The following AGAP1 variants were observed in gnomAD, a reference collection of about 807,000 sequenced individuals.
AGAP1 encodes arf-GAP with GTPase, ANK repeat and PH domain-containing protein 1.
AGAP1 carries 29 observed loss-of-function variants against 105.3 expected under a neutral mutation model. The ratio of observed to expected loss-of-function variants is 0.28; its 90% CI spans 0.21 to 0.38. AGAP1 has a LOEUF of 0.38. Among genes scored for constraint, AGAP1 ranks in the 10% least tolerant of loss-of-function variants. AGAP1 has a pLI of 1.00. For synonymous variants in AGAP1, 509 were observed against 485.9 expected, an observed-to-expected ratio of 1.05 and a Z score of -0.63; for missense variants, 998 against 1,165.1, an observed-to-expected ratio of 0.86 and a Z score of 2.09.
At chr2:235,708,557 C>T (rs940141317) in intron 1 of AGAP1, among the ~76,000 whole-genome samples, 1 of 152,142 alleles carries the variant, frequency 6.6e-6, no homozygotes, top group Non-Finnish European at 1.5e-5. Context: ...ATAGTCTAAA[C>T]CATCCTGGCT....
intron 1 of AGAP1, among the ~76,000 whole-genome samples, chr2:235,590,678 TGTGTGTGCGTGTGC>T (rs1263205497): frequency 4.7e-5 from 5 of 106,430 alleles, no homozygotes; most frequent in Non-Finnish European, 8.3e-5. Flanking sequence ...TGTGTGTGTG[TGTGTGTGCGTGTGC>T]GTGTGTGTGT....
chr2:235,619,249 C>A (rs922916290), intron 1 of AGAP1, among the ~76,000 whole-genome samples: 1 of 152,126 alleles, frequency 6.6e-6, no homozygotes, highest in Non-Finnish European at 1.5e-5. Context: ...CAGGGCGATC[C>A]CCACTTTACC....
chr2:235,823,836 G>A (rs1958932566), intron 9 of AGAP1, among the ~76,000 whole-genome samples: 2 of 152,152 alleles, frequency 1.3e-5, no homozygotes, highest in South Asian at 4.1e-4. Flanking sequence ...GAGACAACAT[G>A]ACCATCCTTT....
intron 8 of AGAP1, among the ~76,000 whole-genome samples, chr2:235,800,010 T>G (rs1957417721): frequency 6.6e-6 from 1 of 152,034 alleles, no homozygotes; most frequent in South Asian, 2.1e-4. Context: ...CCACTTGGGT[T>G]TTTTGCTGTA....
In AGAP1 at chr2:235,740,438, C is replaced by T. The variant is rs1459862803; in HGVS notation, c.311-525C>T. Among the ~76,000 whole-genome samples, 1 of 152,168 alleles carries T rather than the reference C, an allele frequency of 6.6e-6. No individual in the cohort carries two copies. The highest frequency in any genetic ancestry group is 1.9e-4 in the East Asian group (1 of 5,190). On this transcript the variant is annotated intron_variant, in intron 3 of 17. Transcript: ENST00000304032. This position sits in a 1 kb window ranked among gnomAD's most constrained non-coding sequence, Gnocchi z 5.7. ...TAACCCATGTGTAGTAGTGAAGCGT[C>T]CCTCCCTAATTGTGGCCTGTGACTC... is the stretch of plus-strand genomic sequence containing the variant.
chr2:235,975,788 C>T (rs1355913791), intron 13 of AGAP1, among the ~76,000 whole-genome samples: 2 of 152,214 alleles, frequency 1.3e-5, no homozygotes, highest in African/African-American at 4.8e-5. Context: ...CCACCGGCAC[C>T]TCCCGTGTCT....
chr2:235,669,863 T>A (rs2149354191), intron 1 of AGAP1: 1 of 147,524 alleles, frequency 6.8e-6, no homozygotes, highest in South Asian at 2.1e-4. Flanking sequence ...ACCGGCCGCC[T>A]CGCTTGGCCC....
intron 13 of AGAP1, among the ~76,000 whole-genome samples, chr2:236,013,498 C>T (rs982911972): frequency 2.0e-5 from 3 of 152,186 alleles, no homozygotes; most frequent in Non-Finnish European, 4.4e-5. Context: ...GGGAGCTGAC[C>T]GTTGGCCAGC....
rs755038879 is a variant in AGAP1, at chr2:235,612,741, C to T, written c.164-96438C>T. Among the ~76,000 whole-genome samples the T allele has an allele frequency of 2.4e-4, 36 of 152,134 alleles. No homozygotes were observed. The highest frequency in any genetic ancestry group is 4.1e-4 in the African/African-American group (17 of 41,430). On this transcript the variant is annotated intron_variant, in intron 1 of 17. Coordinates refer to ENST00000304032, the MANE Select transcript of AGAP1 (RefSeq NM_001037131.3). This position sits in a 1 kb window ranked among gnomAD's most constrained non-coding sequence, Gnocchi z 4.3. The stretch of plus-strand genomic sequence containing the variant: ...GTGGCCGGCCAGGTGTGCTGAGTGC[C>T]ACCTGGGCTTGCATGCCGGACGCAT...
intron 16 of AGAP1, among the ~76,000 whole-genome samples, chr2:236,059,319 G>C (rs1370834424): frequency 6.6e-6 from 1 of 152,066 alleles, no homozygotes; most frequent in Non-Finnish European, 1.5e-5. Flanking sequence ...ATCATCGAAA[G>C]AAATTAAAGA....
chr2:235,588,418 C>T (rs1425270954), intron 1 of AGAP1, among the ~76,000 whole-genome samples: 1 of 152,112 alleles, frequency 6.6e-6, no homozygotes, highest in African/African-American at 2.4e-5. Flanking sequence ...TGCCAACGCA[C>T]CGTCACCTTC....
chr2:235,572,054 C>T (rs1195758544), intron 1 of AGAP1, among the ~76,000 whole-genome samples: 1 of 138,658 alleles, frequency 7.2e-6, no homozygotes, highest in Non-Finnish European at 1.5e-5. Flanking sequence ...CTTCTTAAAA[C>T]ATCCAACCTG....
intron 5 of AGAP1, among the ~76,000 whole-genome samples, chr2:235,748,723 A>G (rs1277053339): frequency 6.6e-6 from 1 of 152,260 alleles, no homozygotes; most frequent in African/African-American, 2.4e-5. Context: ...TATACTTCAA[A>G]AAATGAAGTT....
intron 12 of AGAP1, among the ~76,000 whole-genome samples, chr2:235,938,304 G>C (rs941461652): frequency 6.6e-6 from 1 of 152,230 alleles, no homozygotes; most frequent in Non-Finnish European, 1.5e-5. Context: ...CAGCAGGTCG[G>C]TGGTCAAGGC....
At position 235,740,565 on chromosome 2, in the gene AGAP1, C is replaced by T. The variant is rs1393285041; in HGVS notation, c.311-398C>T. On this transcript the variant is annotated intron_variant, in intron 3 of 17. Transcript: ENST00000304032. The surrounding 1 kb of genome is among the most constrained non-coding windows in gnomAD (Gnocchi z 5.7). ...GGCCCTGTAATTTACCAAGAGGTTGCAGATCAGGCACCTGTTAAGCATGAA... is the reference window on the plus strand; with the variant it reads ...GGCCCTGTAATTTACCAAGAGGTTGTAGATCAGGCACCTGTTAAGCATGAA... 2.0e-5 allele frequency among the ~76,000 whole-genome samples: 3 copies of T among 152,194 alleles called. No individual in the cohort carries two copies. Among genetic ancestry groups the T allele is most frequent in the Non-Finnish European group, 4.4e-5 (3 of 68,038 alleles).
intron 13 of AGAP1, among the ~76,000 whole-genome samples, chr2:236,025,448 A>G (rs1396271164): frequency 6.6e-6 from 1 of 152,146 alleles, no homozygotes; most frequent in Non-Finnish European, 1.5e-5. Flanking sequence ...ATAAGGCTCT[A>G]TCATCTGCTA....
intron 1 of AGAP1, among the ~76,000 whole-genome samples, chr2:235,563,365 A>AC (rs1944230244): frequency 1.3e-5 from 2 of 152,110 alleles, no homozygotes; most frequent in Admixed American, 1.3e-4. Context: ...TTGAGATCAC[A>AC]CTGCCGTGCC....
At chr2:235,658,022 C>G (rs1433395997) in intron 1 of AGAP1, among the ~76,000 whole-genome samples, 1 of 151,326 alleles carries the variant, frequency 6.6e-6, no homozygotes. Flanking sequence ...GGCTCCAGAA[C>G]TAGGATAACT....
intron 1 of AGAP1, among the ~76,000 whole-genome samples, chr2:235,643,805 T>C (rs1169066436): frequency 1.3e-5 from 2 of 152,126 alleles, no homozygotes; most frequent in Non-Finnish European, 2.9e-5. Context: ...ATAGATACTT[T>C]GTGGGGGGAA....
Sources: gnomAD v4.1 joint callset for allele counts (sites outside exome capture counted in the v4.1 genomes callset) on GRCh38, gnomAD v4.1.1 for gene constraint, Gnocchi (gnomAD v3.1) non-coding constraint, MANE v1.5 for transcripts, NCBI Gene and HGNC (gene_info 2026-07-23, HGNC 2026-07-21) for gene names.